The following OR56A3 variants were observed in gnomAD, a reference collection of about 807,000 sequenced individuals.
OR56A3 encodes olfactory receptor 56A3.
Under a neutral mutation model 17.5 loss-of-function variants are expected in OR56A3, and 23 were observed. That is an observed-to-expected ratio of 1.32 (90% CI 0.95 to 1.87). OR56A3 has a LOEUF of 1.87. OR56A3 is among the 40% of genes most tolerant of loss of function. The pLI, the probability that OR56A3 is intolerant of heterozygous loss-of-function variation, is 0.00. For missense variants in OR56A3, 366 were observed against 380.1 expected, an observed-to-expected ratio of 0.96 and a Z score of 0.31; for synonymous variants, 175 against 150.6, an observed-to-expected ratio of 1.16 and a Z score of -1.19.
the OR56A3 span, among the ~76,000 whole-genome samples, chr11:6,009,520 AATTT>A: frequency 1.3e-5 from 2 of 152,148 alleles, no homozygotes; most frequent in East Asian, 3.8e-4. Flanking sequence ...AATATATTTC[AATTT>A]ATTTGAGTTA....
At position 5,948,306 on chromosome 11, in the gene OR56A3, G is replaced by A. The variant is rs368398492; in HGVS notation, c.*12G>A. The A allele has an allele frequency of 6.2e-5, 96 of 1,550,476 alleles. No individual in the cohort carries two copies. In the African/African-American group the frequency reaches 1.1e-3, roughly 19 times the overall value. On this transcript the variant is annotated 3_prime_UTR_variant, in exon 3 of 3. Transcript: ENST00000641160. ...AGAAAGGGTGCTAACAAGGACCACTGGATCTCTGAATATCTAAAATAAGAT... is the reference window on the plus strand; with the variant it reads ...AGAAAGGGTGCTAACAAGGACCACTAGATCTCTGAATATCTAAAATAAGAT...
In OR56A3 at chr11:5,947,790, TG is replaced by T. The variant is rs768096694; in HGVS notation, c.445del (p.Ala149ProfsTer5). 1.1e-5 allele frequency: 18 copies of T among 1,614,108 alleles called. No individual in the cohort carries two copies. Among genetic ancestry groups the T allele is most frequent in the Non-Finnish European group, 1.5e-5 (18 of 1,180,050 alleles). ...IITDHFVVKAAMFILTRNVLM... is the reference protein window; with the variant it reads ...IITDHFVVKAXMFILTRNVLM... ...TCACTGATCACTTTGTAGTCAAGGC[TG>T]CCATGTTTATTTTGACCAGAAATGT... On this transcript the variant is annotated frameshift_variant, in exon 3 of 3. Coordinates refer to ENST00000641160, the MANE Select transcript of OR56A3 (RefSeq NM_001003443.3). LOFTEE classifies it high-confidence loss of function.
At chr11:5,966,665 G>A in the OR56A3 span, among the ~76,000 whole-genome samples, 53 of 152,252 alleles carry the variant, frequency 3.5e-4, 1 homozygote, top group East Asian at 8.7e-3. Context: ...TAATTCAGAT[G>A]TCTGGATCCT....
chr11:5,946,318 T>C (rs1005936681), intron 2 of OR56A3, among the ~76,000 whole-genome samples: 12 of 152,198 alleles, frequency 7.9e-5, no homozygotes, highest in African/African-American at 2.7e-4. Context: ...CCAGAGTAGT[T>C]ATAGGTTTGT....
intron 2 of OR56A3, 121 bp downstream of exon 2, chr11:5,945,203 A>G (rs1847861541): frequency 6.6e-6 from 1 of 152,198 alleles, no homozygotes; most frequent in Non-Finnish European, 1.5e-5. Flanking sequence ...TCAATTCTTA[A>G]AACTATCAAT....
chr11:5,998,133 G>A, the OR56A3 span, among the ~76,000 whole-genome samples: 1 of 152,176 alleles, frequency 6.6e-6, no homozygotes, highest in Non-Finnish European at 1.5e-5. Context: ...TTGTGTTGCA[G>A]ACAATGGTGC....
chr11:6,019,304 T>A, the OR56A3 span: 1 of 151,616 alleles, frequency 6.6e-6, no homozygotes, highest in Admixed American at 6.6e-5. Flanking sequence ...CACCAACCCA[T>A]CAAAAAGATA....
chr11:6,021,865 AAAGC>A, the OR56A3 span: 1 of 152,144 alleles, frequency 6.6e-6, no homozygotes, highest in South Asian at 2.1e-4. Context: ...ATCTGCTCCT[AAAGC>A]ATTCTCGCAT....
the OR56A3 span, chr11:5,968,095 G>A: frequency 6.2e-7 from 1 of 1,613,960 alleles, no homozygotes. Context: ...GATGAGTACT[G>A]TAGGGGCTTG....
At chr11:5,970,715 C>T in the OR56A3 span, among the ~76,000 whole-genome samples, 3 of 151,826 alleles carry the variant, frequency 2.0e-5, no homozygotes, top group Non-Finnish European at 2.9e-5. Context: ...AGCAACAGCC[C>T]TGGGGAGACA....
the OR56A3 span, among the ~76,000 whole-genome samples, chr11:5,964,304 A>T: frequency 2.0e-5 from 3 of 152,224 alleles, no homozygotes; most frequent in African/African-American, 7.2e-5. Flanking sequence ...TATGGTTATA[A>T]GTTGATGTCT....
chr11:5,988,067 C>A, the OR56A3 span, among the ~76,000 whole-genome samples: 1 of 152,268 alleles, frequency 6.6e-6, no homozygotes, highest in East Asian at 1.9e-4. Flanking sequence ...GTTTTACTAA[C>A]CATCCCTGCA....
At chr11:5,960,458 G>T in the OR56A3 span, among the ~76,000 whole-genome samples, 1 of 152,228 alleles carries the variant, frequency 6.6e-6, no homozygotes, top group Non-Finnish European at 1.5e-5. Flanking sequence ...ACCGGGTTTC[G>T]CCCTGTTGGC....
chr11:5,968,618 G>T, the OR56A3 span: 3 of 735,274 alleles, frequency 4.1e-6, no homozygotes, highest in Non-Finnish European at 6.5e-6. Flanking sequence ...AAATGTATGA[G>T]ATACAGATGA....
At chr11:6,006,559 T>A in the OR56A3 span, among the ~76,000 whole-genome samples, 1 of 152,208 alleles carries the variant, frequency 6.6e-6, no homozygotes, top group African/African-American at 2.4e-5. Context: ...CAGCTATGAT[T>A]GCCTAGAAGA....
At chr11:5,972,942 C>G in the OR56A3 span, among the ~76,000 whole-genome samples, 10 of 152,188 alleles carry the variant, frequency 6.6e-5, no homozygotes, top group Non-Finnish European at 1.5e-4. Flanking sequence ...CTGCATCTGA[C>G]TACTTGACTA....
At chr11:5,991,378 C>G in the OR56A3 span, among the ~76,000 whole-genome samples, 5 of 152,150 alleles carry the variant, frequency 3.3e-5, no homozygotes, top group African/African-American at 1.2e-4. Context: ...TTTTCTCTCC[C>G]TTTCCCCCAC....
the OR56A3 span, among the ~76,000 whole-genome samples, chr11:5,993,451 C>A: frequency 9.2e-5 from 14 of 152,214 alleles, no homozygotes; most frequent in South Asian, 8.3e-4. Context: ...CCATTTTTTT[C>A]ATCAACAATG....
chr11:6,014,980 A>T, the OR56A3 span, among the ~76,000 whole-genome samples: 31 of 117,996 alleles, frequency 2.6e-4, no homozygotes, highest in East Asian at 5.9e-3. Flanking sequence ...CTATGCTCAT[A>T]TTCATGGGCA....
Sources: gnomAD v4.1 joint callset for allele counts (sites outside exome capture counted in the v4.1 genomes callset) on GRCh38, gnomAD v4.1.1 for gene constraint, MANE v1.5 for transcripts, NCBI Gene and HGNC (gene_info 2026-07-23, HGNC 2026-07-21) for gene names.